NRDE2: variants seen among roughly 807,000 people sequenced by gnomAD.
NRDE2 encodes the protein NRDE-2, necessary for RNA interference, domain containing.
Under a neutral mutation model 124.2 loss-of-function variants are expected in NRDE2, and 76 were observed. The observed-to-expected ratio is 0.61, with a 90% CI of 0.51 to 0.74. The LOEUF is 0.74. Ranked by LOEUF, NRDE2 falls within the 30% of genes least tolerant of loss-of-function variation. The pLI is 0.00. For missense variants in NRDE2, 1,314 were observed against 1,417.3 expected (o/e 0.93, Z 1.17); for synonymous variants, 489 against 528.1 (o/e 0.93, Z 1.01).
Position 90,272,497 on chromosome 14 carries a change from G to C in NRDE2, c.*5839C>G. The C allele has an allele frequency of 1.2e-6, 1 of 862,360 alleles. No individual in the cohort carries two copies. Among genetic ancestry groups the C allele is most frequent in the South Asian group, 1.9e-5 (1 of 53,996 alleles). The allele number at this position is 862,360 out of a possible 1,614,324, so 53.4% of individuals were successfully genotyped here. A position where few individuals can be genotyped will look rare whatever the true frequency, so the allele number is the denominator to read the frequency against. On this transcript the variant is annotated 3_prime_UTR_variant, in exon 14 of 14. Transcript: ENST00000354366. This position sits in a 1 kb window ranked among gnomAD's most constrained non-coding sequence, Gnocchi z 4.5. ...GGGGGAGTTGCCCAGAGGAATCCCT[G>C]TTCCCACTGATTTTTATTAGCAAAA...
At chr14:90,301,906 A>T in intron 6 of NRDE2, 1 of 419,824 alleles carries the variant, frequency 2.4e-6, no homozygotes, top group South Asian at 1.6e-5. Flanking sequence ...TAGATCACAT[A>T]CAGTGACAAA....
At chr14:90,308,356 G>A (rs575400528) in intron 4 of NRDE2, among the ~76,000 whole-genome samples, 25 of 152,198 alleles carry the variant, frequency 1.6e-4, no homozygotes, top group African/African-American at 5.1e-4. Context: ...GTGTCACTGC[G>A]GGATGCTCAC....
At chr14:90,320,222 A>G (rs1463293279) in intron 1 of NRDE2, among the ~76,000 whole-genome samples, 1 of 152,230 alleles carries the variant, frequency 6.6e-6, no homozygotes, top group African/African-American at 2.4e-5. Flanking sequence ...TTTATAAAGG[A>G]AAGAGGTTTA....
chr14:90,312,271 A>G (rs1884869318), intron 4 of NRDE2, 123 bp downstream of exon 4: 1 of 877,500 alleles, frequency 1.1e-6, no homozygotes, highest in Non-Finnish European at 1.8e-6. Context: ...GAACAATGCA[A>G]TAAATAAAAC....
chr14:90,317,366 C>T (rs1156643103), intron 2 of NRDE2, among the ~76,000 whole-genome samples: 2 of 152,160 alleles, frequency 1.3e-5, no homozygotes, highest in African/African-American at 4.8e-5. Flanking sequence ...TAATTGTGGT[C>T]CTTGTTTTTG....
intron 1 of NRDE2, among the ~76,000 whole-genome samples, chr14:90,328,304 CAAAAAAAA>C (rs60360850): frequency 2.3e-5 from 2 of 88,726 alleles, no homozygotes; most frequent in African/African-American, 4.0e-5. Context: ...ACTCTGTCTC[CAAAAAAAA>C]AAAAAAAAAA....
chr14:90,285,142 A>T (rs1369571871), intron 12 of NRDE2, among the ~76,000 whole-genome samples: 1 of 151,356 alleles, frequency 6.6e-6, no homozygotes, highest in African/African-American at 2.4e-5. Context: ...AGCTGGACTC[A>T]CGCTTGTAAT....
intron 9 of NRDE2, 67 bp downstream of exon 9, chr14:90,292,630 C>A: frequency 1.3e-6 from 2 of 1,542,218 alleles, no homozygotes; most frequent in Non-Finnish European, 1.8e-6. Context: ...ATAACCAAAG[C>A]GCATGGGAAT....
At chr14:90,302,577 T>G in intron 6 of NRDE2, 143 bp downstream of exon 6, 1 of 917,430 alleles carries the variant, frequency 1.1e-6, no homozygotes, top group Non-Finnish European at 1.6e-6. Flanking sequence ...TCAAAAAGAG[T>G]CGTAATACTT....
chr14:90,299,461 T>C (rs548232505), intron 7 of NRDE2, among the ~76,000 whole-genome samples: 23 of 152,268 alleles, frequency 1.5e-4, no homozygotes, highest in Middle Eastern at 3.4e-3. Flanking sequence ...GAACAGAATG[T>C]GAACACAGCA....
chr14:90,290,423 G>A lies in NRDE2; in HGVS notation c.2027C>T (p.Pro676Leu), dbSNP rs374702908. 205 of 1,613,894 alleles carry A rather than the reference G, an allele frequency of 1.3e-4. No individual in the cohort carries two copies. Among genetic ancestry groups the A allele is most frequent in the Non-Finnish European group, 1.7e-4 (201 of 1,180,030 alleles). ...AAACAAAGGGTTGAAAAAAGTCAAG[G>A]GCTTTTCATCATAAAGTCCATTATC... ...IFDNGLYDEKPLTFFNPLFSG... is the reference protein window; with the variant it reads ...IFDNGLYDEKLLTFFNPLFSG... The change falls in exon 10 of 14, where the codon CCC becomes CTC. Residue 676 changes from proline to leucine, a missense_variant. Coordinates refer to ENST00000354366, the MANE Select transcript of NRDE2 (RefSeq NM_017970.4).
chr14:90,297,713 C>T (rs1000256159), intron 8 of NRDE2, among the ~76,000 whole-genome samples: 2 of 152,030 alleles, frequency 1.3e-5, no homozygotes, highest in Admixed American at 6.6e-5. Context: ...GCAGGCAGAT[C>T]GCTGGAGGTC....
intron 8 of NRDE2, among the ~76,000 whole-genome samples, chr14:90,296,181 A>C (rs1210094304): frequency 6.6e-6 from 1 of 152,200 alleles, no homozygotes; most frequent in Non-Finnish European, 1.5e-5. Context: ...CAAAAAACAA[A>C]AAAACTAAGC....
chr14:90,330,230 T>TAAATAAAAAATAAAC lies in NRDE2; in HGVS notation c.64+1610_64+1611insGTTTATTTTTTATTT, dbSNP rs1555362771. 4.0e-5 allele frequency among the ~76,000 whole-genome samples: 6 copies of TAAATAAAAAATAAAC among 150,942 alleles called. No individual in the cohort carries two copies. The East Asian group carries it at 9.7e-4, about 24-fold the overall frequency. On this transcript the variant is annotated intron_variant, in intron 1 of 13. Transcript: ENST00000354366. ...TCAAAAAAAAAAATAAATAAATAAA[T>TAAATAAAAAATAAAC]AAATAAAAAGAAGTAATTAATCCTG...
intron 3 of NRDE2, among the ~76,000 whole-genome samples, chr14:90,313,196 C>T (rs532709422): frequency 1.3e-5 from 2 of 150,096 alleles, no homozygotes; most frequent in South Asian, 2.1e-4. Flanking sequence ...GCGCCATCTC[C>T]GCTCACTGCA....
intron 4 of NRDE2, among the ~76,000 whole-genome samples, chr14:90,305,136 T>G (rs955294417): frequency 6.6e-6 from 1 of 151,570 alleles, no homozygotes; most frequent in South Asian, 2.1e-4. Flanking sequence ...AAAGAAGACA[T>G]GAATAGCCAA....
Position 90,270,718 on chromosome 14 carries a change from C to T in NRDE2, c.*7618G>A, listed in dbSNP as rs573399430. 6 of 173,086 alleles carry T rather than the reference C, an allele frequency of 3.5e-5. No individual in the cohort carries two copies. The highest frequency in any genetic ancestry group is 7.1e-5 in the African/African-American group (3 of 42,416). The allele number at this position is 173,086 out of a possible 1,614,324, so 10.7% of individuals were successfully genotyped here. ...AGCCGCAGAGTGGGGACCAAGCACC[C>T]GCTGCATTCATCTCCCAATCTGTGT... On this transcript the variant is annotated 3_prime_UTR_variant, in exon 14 of 14. Transcript: ENST00000354366.
intron 1 of NRDE2, among the ~76,000 whole-genome samples, chr14:90,322,498 C>T (rs1305667469): frequency 6.6e-6 from 1 of 151,914 alleles, no homozygotes; most frequent in Non-Finnish European, 1.5e-5. Flanking sequence ...ATGTTTATAC[C>T]CCCAACACCT....
At chr14:90,309,536 A>T (rs1400391517) in intron 4 of NRDE2, among the ~76,000 whole-genome samples, 1 of 151,234 alleles carries the variant, frequency 6.6e-6, no homozygotes, top group Admixed American at 6.6e-5. Context: ...CAATCAAATC[A>T]CGCCTCAATG....
Sources: allele counts gnomAD v4.1 joint callset (sites outside exome capture counted in the v4.1 genomes callset), GRCh38; gene constraint gnomAD v4.1.1; non-coding constraint Gnocchi (gnomAD v3.1); transcripts MANE v1.5; gene names NCBI Gene and HGNC (gene_info 2026-07-23, HGNC 2026-07-21).